Variants in NXPE3 observed in about 807,000 individuals in gnomAD.
NXPE3 encodes NXPE family member 3.
Under a neutral mutation model 46.1 loss-of-function variants are expected in NXPE3, and 26 were observed. The observed-to-expected ratio is 0.56, with a 90% CI of 0.41 to 0.78. The LOEUF is 0.78. Ranked by LOEUF, NXPE3 falls within the 30% of genes least tolerant of loss-of-function variation. NXPE3 has a pLI of 0.00. For missense variants in NXPE3, 620 were observed against 686.0 expected, an observed-to-expected ratio of 0.90 and a Z score of 1.07; for synonymous variants, 272 against 257.9, an observed-to-expected ratio of 1.05 and a Z score of -0.52.
intron 4 of NXPE3, among the ~76,000 whole-genome samples, chr3:101,791,869 G>A (rs1226577651): frequency 6.6e-6 from 1 of 152,172 alleles, no homozygotes; most frequent in South Asian, 2.1e-4. Flanking sequence ...TTGCCATAAT[G>A]CTTTCCACAA....
rs529576337 is a variant in NXPE3, at chr3:101,808,133, C to T, written c.922+1007C>T. Among the ~76,000 whole-genome samples the T allele has an allele frequency of 7.9e-5, 12 of 152,218 alleles. No homozygotes were observed. In the South Asian group the frequency reaches 2.5e-3, roughly 32 times the overall value. ...AGAAACCCTGGCTGGTGGGGCTGAG[C>T]AAGAAAGTTTTAACAAACTTTTCGG... On this transcript the variant is annotated intron_variant, in intron 6 of 7. Coordinates refer to ENST00000273347, the MANE Select transcript of NXPE3 (RefSeq NM_145037.4).
chr3:101,804,465 G>A (rs1002701018), intron 5 of NXPE3, among the ~76,000 whole-genome samples: 1 of 152,200 alleles, frequency 6.6e-6, no homozygotes, highest in African/African-American at 2.4e-5. Context: ...CTGAGGTGGT[G>A]TAAGTTTTTG....
At chr3:101,800,006 C>A (rs1941050388) in intron 4 of NXPE3, among the ~76,000 whole-genome samples, 1 of 152,032 alleles carries the variant, frequency 6.6e-6, no homozygotes, top group Admixed American at 6.6e-5. Flanking sequence ...TTTTAAAAAA[C>A]CAGCTTTGGG....
intron 7 of NXPE3, among the ~76,000 whole-genome samples, chr3:101,818,746 TATATATA>T (rs1390997920): frequency 0.028 from 711 of 24,964 alleles, 60 homozygotes; most frequent in Non-Finnish European, 0.037. Flanking sequence ...TATATATATA[TATATATA>T]TTTTTTTTTT....
intron 4 of NXPE3, among the ~76,000 whole-genome samples, chr3:101,796,015 A>G (rs576355814): frequency 6.6e-6 from 1 of 152,352 alleles, no homozygotes; most frequent in Non-Finnish European, 1.5e-5. Context: ...GTACAATTCA[A>G]ATAGCTGTTA....
rs1942479909 is a variant in NXPE3 at position 101,826,204 on chromosome 3, A to G, written c.*4250A>G. On this transcript the variant is annotated 3_prime_UTR_variant, in exon 8 of 8. Transcript: ENST00000273347. ...AAGAATAAATATGGTACGCCTTTAT[A>G]TATTCATGTGTTACATGCCAGAAAT... The G allele has an allele frequency of 6.6e-6, 1 of 152,228 alleles. No homozygotes were observed. 9.4% of individuals were successfully genotyped at this position (152,228 alleles called of 1,614,324 possible). A position where few individuals can be genotyped will look rare whatever the true frequency, so the allele number is the denominator to read the frequency against.
chr3:101,821,880 C>A lies in NXPE3; in HGVS notation c.1606C>A (p.Leu536Met), dbSNP rs1560071620. The A allele has an allele frequency of 1.4e-5, 22 of 1,614,196 alleles. No individual in the cohort carries two copies. Among genetic ancestry groups the A allele is most frequent in the Non-Finnish European group, 1.4e-5 (16 of 1,180,030 alleles). Reference protein sequence around the residue: ...MTLAHYLPHKLHPDEVIVKNQ... With the variant: ...MTLAHYLPHKMHPDEVIVKNQ... Reference sequence around the variant, plus strand: ...CCTGGCCCATTATCTACCGCACAAGCTGCATCCAGATGAAGTTATTGTGAA... The same window carrying A: ...CCTGGCCCATTATCTACCGCACAAGATGCATCCAGATGAAGTTATTGTGAA... The change falls in exon 8 of 8, where the codon CTG becomes ATG. Residue 536 changes from leucine to methionine, a missense_variant. Physicochemically the swap from Leu to Met is conservative, Grantham distance 15. Around this residue, in one of 3 missense-constraint regions of NXPE3, gnomAD observed 34 missense variants for 36.2 expected, o/e 0.94. Transcript: ENST00000273347.
intron 7 of NXPE3, among the ~76,000 whole-genome samples, chr3:101,818,169 A>G (rs1447466463): frequency 6.6e-6 from 1 of 152,226 alleles, no homozygotes; most frequent in Non-Finnish European, 1.5e-5. Context: ...CTGATGGCTC[A>G]CACCTGGCCT....
At chr3:101,798,858 G>A (rs991236015) in intron 4 of NXPE3, among the ~76,000 whole-genome samples, 5 of 151,980 alleles carry the variant, frequency 3.3e-5, no homozygotes, top group Non-Finnish European at 5.9e-5. Flanking sequence ...AAACGATCCC[G>A]ATCTGTCCAC....
chr3:101,811,116 G>A (rs1008355269), intron 6 of NXPE3, among the ~76,000 whole-genome samples: 4 of 152,116 alleles, frequency 2.6e-5, no homozygotes, highest in African/African-American at 4.8e-5. Context: ...CCACGCGCCC[G>A]GCCTTGAATG....
chr3:101,784,583 C>T (rs1332428485), intron 3 of NXPE3, among the ~76,000 whole-genome samples: 1 of 152,148 alleles, frequency 6.6e-6, no homozygotes, highest in African/African-American at 2.4e-5. Flanking sequence ...GTGTCCTGCC[C>T]TTCATGGAAA....
chr3:101,817,483 T>C (rs1942023331), intron 7 of NXPE3, among the ~76,000 whole-genome samples: 1 of 152,202 alleles, frequency 6.6e-6, no homozygotes, highest in Non-Finnish European at 1.5e-5. Context: ...AGCAAAGCCA[T>C]CCCTGTGTCA....
In NXPE3 at chr3:101,785,102, A is replaced by C. The variant is rs1440450851; in HGVS notation, c.-195-300A>C. On this transcript the variant is annotated intron_variant, in intron 3 of 7. Transcript: ENST00000273347. Reference sequence around the variant, plus strand: ...ACTGAGGTCTCTGTAGAAATTTAGCAGTTACTTTTATTTCACAATTTCTGA... The same window carrying C: ...ACTGAGGTCTCTGTAGAAATTTAGCCGTTACTTTTATTTCACAATTTCTGA... Among the ~76,000 whole-genome samples the C allele has an allele frequency of 2.6e-5, 4 of 152,234 alleles. No individual in the cohort carries two copies. The East Asian group carries it at 7.7e-4, about 29-fold the overall frequency.
rs1305286544 is a variant in NXPE3, at chr3:101,798,610, T to A, written c.94-2625T>A. Among the ~76,000 whole-genome samples the A allele has an allele frequency of 6.2e-5, 9 of 145,194 alleles. No individual in the cohort carries two copies. The South Asian group carries it at 1.5e-3, about 24-fold the overall frequency. On this transcript the variant is annotated intron_variant, in intron 4 of 7. Transcript: ENST00000273347. Reference sequence around the variant, plus strand: ...TCTATATATATATATATATTTTTTTTTTTTTTCTTTTAAAGTTTTTGAGAC... The same window carrying A: ...TCTATATATATATATATATTTTTTTATTTTTTCTTTTAAAGTTTTTGAGAC...
chr3:101,797,423 A>T (rs1055603106), intron 4 of NXPE3, among the ~76,000 whole-genome samples: 8 of 133,412 alleles, frequency 6.0e-5, no homozygotes, highest in East Asian at 2.1e-4. Context: ...TTTTTTTTTT[A>T]ATTTTTTTTT....
chr3:101,805,799 T>C (rs909203164), intron 5 of NXPE3, among the ~76,000 whole-genome samples: 2 of 152,134 alleles, frequency 1.3e-5, no homozygotes, highest in African/African-American at 4.8e-5. Context: ...GGCTAAATAT[T>C]TTGGCAGGAA....
chr3:101,814,376 A>G (rs1941870754), intron 6 of NXPE3, among the ~76,000 whole-genome samples: 1 of 152,174 alleles, frequency 6.6e-6, no homozygotes, highest in South Asian at 2.1e-4. Flanking sequence ...GCCCCCGACA[A>G]TTTTTCTTTG....
Position 101,801,365 on chromosome 3 carries a change from G to A in NXPE3, c.224G>A (p.Arg75His), listed in dbSNP as rs141442938. 26 of 1,614,078 alleles carry A rather than the reference G, an allele frequency of 1.6e-5. No homozygotes were observed. Among genetic ancestry groups the A allele is most frequent in the African/African-American group, 8.0e-5 (6 of 74,922 alleles). Reference sequence around the variant, plus strand: ...CAGCAGACCCTGTCCAGCCAGGAGCGCATGGAGGAGGACTCCTTGCTGGCT... The same window carrying A: ...CAGCAGACCCTGTCCAGCCAGGAGCACATGGAGGAGGACTCCTTGCTGGCT... ...YDQQTLSSQE[R>H]MEEDSLLAAL... Residue 75 changes from arginine (R) to histidine (H), a missense_variant, in exon 5 of 8, where the codon CGC becomes CAC. Arg to His is a conservative substitution (Grantham distance 29, BLOSUM62 0). Coordinates refer to ENST00000273347, the MANE Select transcript of NXPE3 (RefSeq NM_145037.4).
At chr3:101,808,307 G>A (rs917872109) in intron 6 of NXPE3, among the ~76,000 whole-genome samples, 1 of 152,150 alleles carries the variant, frequency 6.6e-6, no homozygotes, top group Non-Finnish European at 1.5e-5. Context: ...TGCAGATGGC[G>A]GGCAAGGTCC....
Sources: gnomAD v4.1 joint callset for allele counts (sites outside exome capture counted in the v4.1 genomes callset) on GRCh38, gnomAD v4.1.1 for gene constraint, gnomAD v4.1.1 regional missense constraint, MANE v1.5 for transcripts, NCBI Gene and HGNC (gene_info 2026-07-23, HGNC 2026-07-21) for gene names.